HIPK3: variants seen among roughly 807,000 people sequenced by gnomAD.
HIPK3 encodes homeodomain-interacting protein kinase 3.
A neutral mutation model predicts 124.2 loss-of-function variants in HIPK3; 47 were observed. The observed-to-expected ratio is 0.38, with a 90% CI of 0.30 to 0.48. The LOEUF (loss-of-function observed/expected upper bound fraction) is 0.48. HIPK3 is among the 20% of genes least tolerant of loss of function. HIPK3 has a pLI of 0.98. For synonymous variants in HIPK3, 482 were observed against 515.2 expected, an observed-to-expected ratio of 0.94 and a Z score of 0.87; for missense variants, 1,286 against 1,454.3, an observed-to-expected ratio of 0.88 and a Z score of 1.88.
At chr11:33,319,470 T>C (rs1852600552) in intron 2 of HIPK3, among the ~76,000 whole-genome samples, 1 of 146,534 alleles carries the variant, frequency 6.8e-6, no homozygotes. Context: ...CACTCCAGCC[T>C]GGGCAAAAAG....
chr11:33,312,342 G>A (rs530023574), intron 2 of HIPK3, among the ~76,000 whole-genome samples: 1 of 152,268 alleles, frequency 6.6e-6, no homozygotes, highest in African/African-American at 2.4e-5. Context: ...GGTGTGTTAT[G>A]TGGAAGAGTG....
At chr11:33,270,502 C>G (rs1199875224) in intron 1 of HIPK3, among the ~76,000 whole-genome samples, 1 of 151,636 alleles carries the variant, frequency 6.6e-6, no homozygotes, top group East Asian at 1.9e-4. Flanking sequence ...TGAAAACTTA[C>G]AGTAAAAATA....
intron 1 of HIPK3, among the ~76,000 whole-genome samples, chr11:33,264,034 A>G (rs1488126081): frequency 6.6e-6 from 1 of 152,058 alleles, no homozygotes; most frequent in Non-Finnish European, 1.5e-5. Context: ...ATGAATTAAA[A>G]CTCAGACTTC....
chr11:33,303,173 C>A (rs1293059178), intron 2 of HIPK3, among the ~76,000 whole-genome samples: 2 of 152,142 alleles, frequency 1.3e-5, no homozygotes, highest in Non-Finnish European at 2.9e-5. Context: ...ACACTCAAGT[C>A]CCTTATATAA....
At position 33,347,453 on chromosome 11, in the gene HIPK3, G is replaced by T. The variant is rs184595801; in HGVS notation, c.2019+39G>T. The stretch of plus-strand genomic sequence containing the variant: ...CATTCTTTGCCATATATCAGCTTGT[G>T]CTTTTGGGAAATAGTGAAAATGACC... On this transcript the variant is annotated intron_variant, in intron 9 of 16. Coordinates refer to ENST00000303296, the MANE Select transcript of HIPK3 (RefSeq NM_005734.5). 3.4e-5 allele frequency: 54 copies of T among 1,610,882 alleles called. No homozygotes were observed. In the East Asian group the frequency reaches 1.0e-3, roughly 31 times the overall value.
chr11:33,294,924 T>C (rs2133915617), intron 2 of HIPK3, among the ~76,000 whole-genome samples: 1 of 152,352 alleles, frequency 6.6e-6, no homozygotes, highest in South Asian at 2.1e-4. Flanking sequence ...TTGCCCTGTC[T>C]CATTAGTGTC....
chr11:33,258,355 C>G, intron 1 of HIPK3: 1 of 985,648 alleles, frequency 1.0e-6, no homozygotes, highest in Non-Finnish European at 1.2e-6. Flanking sequence ...CAAACAAACG[C>G]GCAGGCACGC....
At chr11:33,322,591 C>T (rs937027303) in intron 2 of HIPK3, among the ~76,000 whole-genome samples, 3 of 151,974 alleles carry the variant, frequency 2.0e-5, no homozygotes, top group Non-Finnish European at 2.9e-5. Context: ...TTCAGGAGGC[C>T]GAGGCAGGCA....
At chr11:33,290,182 G>A (rs1173984096) in intron 2 of HIPK3, among the ~76,000 whole-genome samples, 1 of 152,082 alleles carries the variant, frequency 6.6e-6, no homozygotes, top group Non-Finnish European at 1.5e-5. Context: ...ATTCTTGATT[G>A]TATGGGTTTT....
chr11:33,314,622 C>T (rs575827965), intron 2 of HIPK3, among the ~76,000 whole-genome samples: 5 of 152,206 alleles, frequency 3.3e-5, no homozygotes, highest in African/African-American at 1.2e-4. Flanking sequence ...TGTCACTGCA[C>T]TCCAGCCTGG....
chr11:33,257,306 G>C (rs1323046965), upstream of HIPK3: 26 of 983,576 alleles, frequency 2.6e-5, no homozygotes, highest in Non-Finnish European at 3.1e-5. Flanking sequence ...CAGCGCTGCC[G>C]GGCGGGCGGT....
chr11:33,306,554 C>T (rs1852166377), intron 2 of HIPK3, among the ~76,000 whole-genome samples: 5 of 151,862 alleles, frequency 3.3e-5, no homozygotes, highest in South Asian at 2.1e-4. Flanking sequence ...ATTATATTTC[C>T]GTATTTATTC....
intron 1 of HIPK3, among the ~76,000 whole-genome samples, chr11:33,259,120 T>G (rs992719172): frequency 6.6e-6 from 1 of 152,226 alleles, no homozygotes; most frequent in African/African-American, 2.4e-5. Flanking sequence ...TGCTTTTAGC[T>G]GTAGCTTCTG....
intron 1 of HIPK3, chr11:33,258,461 A>ACGTG (rs1850732565): frequency 3.0e-6 from 3 of 985,178 alleles, no homozygotes; most frequent in Non-Finnish European, 3.6e-6. Flanking sequence ...AACTCTGGGG[A>ACGTG]CGTGCGTGCG....
rs1306965047 is a variant in HIPK3, at chr11:33,277,907, A to G, written c.-2-8506A>G. Among the ~76,000 whole-genome samples, 9 of 152,288 alleles carry G rather than the reference A, an allele frequency of 5.9e-5. No homozygotes were observed. The East Asian group carries it at 1.5e-3, about 26-fold the overall frequency. ...TCCTGTCTGTGAATTGTCTGTTTAT[A>G]TCTTCTGTCCATTTGTCTACTCAGT... is the stretch of plus-strand genomic sequence containing the variant. On this transcript the variant is annotated intron_variant, in intron 1 of 16. Coordinates refer to ENST00000303296, the MANE Select transcript of HIPK3 (RefSeq NM_005734.5).
In HIPK3 at chr11:33,273,587, A is replaced by G. The variant is rs558558444; in HGVS notation, c.-2-12826A>G. Among the ~76,000 whole-genome samples the G allele has an allele frequency of 2.6e-5, 4 of 151,510 alleles. No homozygotes were observed. The East Asian group carries it at 5.8e-4, about 22-fold the overall frequency. On this transcript the variant is annotated intron_variant, in intron 1 of 16. Coordinates refer to ENST00000303296, the MANE Select transcript of HIPK3 (RefSeq NM_005734.5). ...AAAATTCCTTAAAAAGGGCATTTAT[A>G]TAAAGTGGAATGTCTGGCAACTACA...
At chr11:33,349,073 G>T (rs544542008) in intron 13 of HIPK3, 74 bp from the exon 14 acceptor site, 19 of 1,366,062 alleles carry the variant, frequency 1.4e-5, no homozygotes, top group Middle Eastern at 2.1e-4. Flanking sequence ...CTTAATTAAA[G>T]AATATAAATT....
intron 16 of HIPK3, 21 bp downstream of exon 16, chr11:33,352,286 G>A (rs909581725): frequency 1.7e-5 from 28 of 1,612,064 alleles, no homozygotes; most frequent in Non-Finnish European, 1.9e-5. Context: ...TTGTGGATAT[G>A]TAGGAGTCTG....
chr11:33,295,948 T>C (rs1287935839), intron 2 of HIPK3, among the ~76,000 whole-genome samples: 2 of 152,380 alleles, frequency 1.3e-5, no homozygotes, highest in African/African-American at 2.4e-5. Context: ...TACTATTTCT[T>C]ATCTTGTATT....
Sources: allele counts gnomAD v4.1 joint callset (sites outside exome capture counted in the v4.1 genomes callset), GRCh38; gene constraint gnomAD v4.1.1; transcripts MANE v1.5; gene names NCBI Gene and HGNC (gene_info 2026-07-23, HGNC 2026-07-21).